Variants in AMMECR1 observed in about 807,000 individuals in gnomAD.
AMMECR1 encodes the protein nuclear protein AMMECR1.
A neutral mutation model predicts 22.5 loss-of-function variants in AMMECR1; 3 were observed. The ratio of observed to expected loss-of-function variants is 0.13; its 90% CI spans 0.06 to 0.35. The LOEUF is 0.35. AMMECR1 is among the 10% of genes least tolerant of loss of function. The pLI, the probability that AMMECR1 is intolerant of heterozygous loss-of-function variation, is 1.00. For missense variants in AMMECR1, 235 were observed against 278.7 expected (o/e 0.84, Z 1.12); for synonymous variants, 130 against 116.7 (o/e 1.11, Z -0.74).
chrX:110,299,442 C>T (rs1173799077), intron 1 of AMMECR1, among the ~76,000 whole-genome samples: 4 of 111,949 alleles, frequency 3.6e-5, no homozygotes, highest in African/African-American at 1.3e-4. Context: ...ATCTGTTTCT[C>T]TTCCTCTAAA....
chrX:110,394,978 C>G (rs992962259), intron 2 of AMMECR1, among the ~76,000 whole-genome samples: 3 of 112,789 alleles, frequency 2.7e-5, no homozygotes, highest in African/African-American at 9.7e-5. Context: ...GAGCTAGCAG[C>G]TGGAGCTTTG....
At chrX:110,282,882 C>T (rs191604430) in intron 1 of AMMECR1, among the ~76,000 whole-genome samples, 1 of 111,382 alleles carries the variant, frequency 9.0e-6, no homozygotes, top group African/African-American at 3.3e-5. Context: ...TTCTTCTTCT[C>T]GGCAAGATTG....
chrX:110,354,740 A>G (rs1362889875), intron 2 of AMMECR1, among the ~76,000 whole-genome samples: 1 of 112,518 alleles, frequency 8.9e-6, no homozygotes, highest in Non-Finnish European at 1.9e-5. Context: ...CCAAGACTAT[A>G]CAATAGGGAA....
chrX:110,384,222 C>G (rs1295771682), intron 2 of AMMECR1, among the ~76,000 whole-genome samples: 3 of 110,780 alleles, frequency 2.7e-5, no homozygotes, highest in Non-Finnish European at 5.7e-5. Context: ...ACTTTCTCCC[C>G]CATAGTGCCT....
intron 1 of AMMECR1, among the ~76,000 whole-genome samples, chrX:110,427,367 A>G (rs2068761746): frequency 8.9e-6 from 1 of 111,930 alleles, no homozygotes; most frequent in Non-Finnish European, 1.9e-5. Context: ...CAGCAACACC[A>G]GCATCTCTGG....
chrX:110,216,405 C>T lies in AMMECR1; in HGVS notation c.699+113G>A. Reference sequence around the variant, plus strand: ...GAGGTTTATTCATCCATATTACTCTCGACCTCCATTACAATAGAGAATGGG... The same window carrying T: ...GAGGTTTATTCATCCATATTACTCTTGACCTCCATTACAATAGAGAATGGG... On this transcript the variant is annotated intron_variant, in intron 3 of 5. Transcript: ENST00000262844. 1.0e-5 allele frequency: 5 copies of T among 484,383 alleles called. No homozygotes were observed. The South Asian group carries it at 1.2e-4, about 11-fold the overall frequency. 39.9% of individuals were successfully genotyped at this position (484,383 alleles called of 1,213,427 possible).
At chrX:110,414,300 C>T (rs952305820) in intron 2 of AMMECR1, among the ~76,000 whole-genome samples, 1 of 112,502 alleles carries the variant, frequency 8.9e-6, no homozygotes, top group African/African-American at 3.2e-5. Flanking sequence ...GACAATAGCA[C>T]TTGCAAACTT....
chrX:110,265,073 A>T (rs1409494393), intron 1 of AMMECR1, among the ~76,000 whole-genome samples: 2 of 111,914 alleles, frequency 1.8e-5, no homozygotes, highest in African/African-American at 3.2e-5. Context: ...TGGTTTTCAT[A>T]AATACTTCCT....
chrX:110,422,955 A>C (rs1303857529), intron 2 of AMMECR1, among the ~76,000 whole-genome samples: 1 of 112,207 alleles, frequency 8.9e-6, no homozygotes, highest in Non-Finnish European at 1.9e-5. Flanking sequence ...AAGAACAGAA[A>C]GAGGAGAAAA....
chrX:110,228,570 C>T (rs1465566568), intron 2 of AMMECR1, among the ~76,000 whole-genome samples: 2 of 111,315 alleles, frequency 1.8e-5, no homozygotes, highest in African/African-American at 6.5e-5. Context: ...ATGCCTAGGG[C>T]ACCAGGGAAT....
intron 2 of AMMECR1, among the ~76,000 whole-genome samples, chrX:110,372,516 C>T (rs1268306405): frequency 1.8e-5 from 2 of 111,070 alleles, no homozygotes; most frequent in East Asian, 2.8e-4. Flanking sequence ...TTTAACTTAA[C>T]AACACACCTG....
At chrX:110,246,749 G>A (rs2148189493) in intron 2 of AMMECR1, among the ~76,000 whole-genome samples, 1 of 112,451 alleles carries the variant, frequency 8.9e-6, no homozygotes, top group Admixed American at 9.4e-5. Flanking sequence ...AGTAACTCTG[G>A]GGAGTTAGGA....
intron 2 of AMMECR1, among the ~76,000 whole-genome samples, chrX:110,228,170 G>A (rs923199130): frequency 1.8e-5 from 2 of 111,536 alleles, no homozygotes; most frequent in African/African-American, 3.3e-5. Context: ...TAAACTACTC[G>A]TATCATTTTT....
chrX:110,342,690 A>T (rs926087185), intron 2 of AMMECR1, among the ~76,000 whole-genome samples: 2 of 112,050 alleles, frequency 1.8e-5, no homozygotes, highest in African/African-American at 6.5e-5. Flanking sequence ...TTTCTAGATG[A>T]TTGAATAACA....
chrX:110,319,630 TC>T (rs780907058), upstream of AMMECR1, among the ~76,000 whole-genome samples: 29 of 112,149 alleles, frequency 2.6e-4, no homozygotes, highest in Non-Finnish European at 5.3e-4. Context: ...CCATACCTCG[TC>T]CTACCCCATA....
At position 110,308,927 on chromosome X, in the gene AMMECR1, T is replaced by C. The variant is rs545739951; in HGVS notation, c.473+8672A>G. Reference sequence around the variant, plus strand: ...TAAATCACCAATGCCATCTTCTACTTACCATATAAAAAAGGAGGTAAAAAA... The same window carrying C: ...TAAATCACCAATGCCATCTTCTACTCACCATATAAAAAAGGAGGTAAAAAA... On this transcript the variant is annotated intron_variant, in intron 1 of 5. Transcript: ENST00000262844. Among the ~76,000 whole-genome samples, 3 of 111,799 alleles carry C rather than the reference T, an allele frequency of 2.7e-5. No homozygotes were observed. In the South Asian group the frequency reaches 1.1e-3, roughly 42 times the overall value.
In AMMECR1 at chrX:110,271,051, C is replaced by T. The variant is rs772484695; in HGVS notation, c.474-6452G>A. ...GGAGGGGGCTAATCTGAGGCAGGGTCGAGAAGTTAAGATTCAGATGCATTT... is the reference window on the plus strand; with the variant it reads ...GGAGGGGGCTAATCTGAGGCAGGGTTGAGAAGTTAAGATTCAGATGCATTT... On this transcript the variant is annotated intron_variant, in intron 1 of 5. Transcript: ENST00000262844. Among the ~76,000 whole-genome samples, 5 of 111,355 alleles carry T rather than the reference C, an allele frequency of 4.5e-5. No individual in the cohort carries two copies. In the South Asian group the frequency reaches 1.9e-3, roughly 43 times the overall value.
At chrX:110,266,185 T>G (rs1035804490) in intron 1 of AMMECR1, among the ~76,000 whole-genome samples, 1 of 109,720 alleles carries the variant, frequency 9.1e-6, no homozygotes, top group African/African-American at 3.3e-5. Flanking sequence ...TAATGCTCCA[T>G]TTGGGAATTT....
chrX:110,439,516 G>T (rs555123938), intron 1 of AMMECR1, among the ~76,000 whole-genome samples: 2 of 112,293 alleles, frequency 1.8e-5, no homozygotes, highest in East Asian at 2.8e-4. Flanking sequence ...AGCAGGGGCT[G>T]TGCTCACAAT....
Sources: allele counts gnomAD v4.1 joint callset (sites outside exome capture counted in the v4.1 genomes callset), GRCh38; gene constraint gnomAD v4.1.1; transcripts MANE v1.5; gene names NCBI Gene and HGNC (gene_info 2026-07-23, HGNC 2026-07-21).